The following ZNF469 variants were observed in gnomAD, a reference collection of about 807,000 sequenced individuals.
The protein encoded by ZNF469 is zinc finger protein 469.
A neutral mutation model predicts 1.0 loss-of-function variants in ZNF469; 1 was observed. The ratio of observed to expected loss-of-function variants is 1.00; its 90% confidence interval spans 0.35 to 4.73. ZNF469 has a LOEUF of 4.73. Ranked by LOEUF, ZNF469 falls within the 30% of genes most tolerant of loss-of-function variation. The pLI, the probability that ZNF469 is intolerant of heterozygous loss-of-function variation, is 0.16. For missense variants in ZNF469, 6,100 were observed against 5,356.3 expected (o/e 1.14, Z -4.33); for synonymous variants, 2,703 against 2,363.4 (o/e 1.14, Z -4.17).
the ZNF469 span, among the ~76,000 whole-genome samples, chr16:88,163,489 G>A: frequency 3.7e-5 from 4 of 107,484 alleles, no homozygotes; most frequent in African/African-American, 1.1e-4. Context: ...GACAGAGAAG[G>A]ATGGATGAAT....
the ZNF469 span, among the ~76,000 whole-genome samples, chr16:88,347,267 G>C: frequency 6.6e-6 from 1 of 152,310 alleles, no homozygotes; most frequent in Middle Eastern, 3.4e-3. Context: ...CCCAAAAGAC[G>C]TCAGGGCCCC....
chr16:88,413,079 C>T (rs1182517660), intron 1 of ZNF469, among the ~76,000 whole-genome samples: 2 of 152,092 alleles, frequency 1.3e-5, no homozygotes, highest in Non-Finnish European at 2.9e-5. Flanking sequence ...CCCATTGCTC[C>T]TTCCTTGAAC....
At position 88,429,587 on chromosome 16, in the gene ZNF469, C is replaced by A. The variant is rs1327851765; in HGVS notation, c.2117C>A (p.Pro706His). The A allele has an allele frequency of 1.3e-6, 2 of 1,549,654 alleles. No homozygotes were observed. Among genetic ancestry groups the A allele is most frequent in the African/African-American group, 2.7e-5 (2 of 73,046 alleles). ...GGTCGGGGAGGGCTGCAGGGCTTCC[C>A]CCGTGCGCCGCCTCCGTACCCCACA... is the stretch of plus-strand genomic sequence containing the variant. Reference protein sequence around the residue: ...EVGRGGLQGFPRAPPPYPTHH... With the variant: ...EVGRGGLQGFHRAPPPYPTHH... Residue 706 changes from proline (P) to histidine (H), a missense_variant, in exon 3 of 3, where the codon CCC becomes CAC. Physicochemically the swap from Pro to His is moderately conservative, Grantham distance 77. Coordinates refer to ENST00000565624, the MANE Select transcript of ZNF469 (RefSeq NM_001367624.2).
the ZNF469 span, among the ~76,000 whole-genome samples, chr16:88,237,706 C>T: frequency 1.8e-5 from 1 of 56,062 alleles, no homozygotes; most frequent in Non-Finnish European, 4.3e-5. Flanking sequence ...GTGCTCCTGC[C>T]AGTCACCCTC....
At chr16:88,342,566 C>T in the ZNF469 span, among the ~76,000 whole-genome samples, 2 of 152,192 alleles carry the variant, frequency 1.3e-5, no homozygotes, top group Non-Finnish European at 2.9e-5. Flanking sequence ...CTCCTGTGGT[C>T]CCGCAGCCCC....
the ZNF469 span, among the ~76,000 whole-genome samples, chr16:88,105,557 G>C: frequency 4.4e-4 from 67 of 152,206 alleles, no homozygotes; most frequent in Admixed American, 4.4e-3. Flanking sequence ...CACCTGCCTC[G>C]GCCTCCCAAA....
At chr16:88,325,297 C>T in the ZNF469 span, among the ~76,000 whole-genome samples, 1 of 150,456 alleles carries the variant, frequency 6.6e-6, no homozygotes, top group East Asian at 1.9e-4. Context: ...GAGGTGCACC[C>T]CGGGGGGCCG....
intron 1 of ZNF469, among the ~76,000 whole-genome samples, chr16:88,419,862 C>T (rs751462090): frequency 9.1e-4 from 138 of 152,366 alleles, no homozygotes; most frequent in South Asian, 2.9e-3. Flanking sequence ...TGGGATTGAG[C>T]CAGGCAGGAC....
rs1239981774 is a variant in ZNF469, at chr16:88,438,572, A to T, written c.11102A>T (p.Lys3701Met). 3 of 1,550,130 alleles carry T rather than the reference A, an allele frequency of 1.9e-6. No homozygotes were observed. Among genetic ancestry groups the T allele is most frequent in the Admixed American group, 3.9e-5 (2 of 51,012 alleles). The change falls in exon 3 of 3, where the codon AAG becomes ATG. Residue 3701 changes from lysine (K) to methionine (M), a missense_variant. Coordinates refer to ENST00000565624, the MANE Select transcript of ZNF469 (RefSeq NM_001367624.2). ...KALKFPVHPR[K>M]AVGSLAPGEL... is the part of the protein sequence containing the mutation. ...CTCAAGTTCCCAGTGCACCCAAGGA[A>T]GGCGGTGGGGAGCCTGGCACCCGGG...
At chr16:88,181,072 ACTT>A in the ZNF469 span, among the ~76,000 whole-genome samples, 7,679 of 136,896 alleles carry the variant, frequency 0.056, 288 homozygotes, top group East Asian at 0.11. Flanking sequence ...CAGAATACAC[ACTT>A]TTTTTTTTTT....
chr16:88,415,707 C>A (rs7195483), intron 1 of ZNF469, among the ~76,000 whole-genome samples: 63 of 152,214 alleles, frequency 4.1e-4, no homozygotes, highest in Non-Finnish European at 3.5e-4. Context: ...ACGTCCCAGC[C>A]CCACATCTCA....
rs1353481572 is a variant in ZNF469 at position 88,435,891 on chromosome 16, C to T, written c.8421C>T (p.Ser2807=). 1.3e-6 allele frequency: 2 copies of T among 1,550,168 alleles called. No homozygotes were observed. Residue 2807 remains serine (S), a synonymous_variant, in exon 3 of 3, where the codon AGC becomes AGT. Transcript: ENST00000565624. ...CCCTGGGTTTTCCCGAGACTTCCAG[C>T]TCTCCGGCGGACAGCACCACCAGCA... ...LGPLGFPETS[S]SPADSTTSSC...
chr16:88,382,300 C>A (rs139244128), upstream of ZNF469, among the ~76,000 whole-genome samples: 165 of 152,356 alleles, frequency 1.1e-3, 1 homozygote, highest in African/African-American at 3.7e-3. Context: ...GCCTTGGTTT[C>A]CTTGGCTGTG....
the ZNF469 span, among the ~76,000 whole-genome samples, chr16:88,269,471 T>C: frequency 6.6e-6 from 1 of 152,142 alleles, no homozygotes; most frequent in Non-Finnish European, 1.5e-5. Flanking sequence ...TTCTTTTTCT[T>C]TTCTTTTTCC....
upstream of ZNF469, among the ~76,000 whole-genome samples, chr16:88,379,523 G>A (rs1017319668): frequency 4.6e-5 from 7 of 152,136 alleles, no homozygotes; most frequent in African/African-American, 1.7e-4. Context: ...CCAGGGGAGG[G>A]ACGGGAATCA....
At chr16:88,135,229 C>T in the ZNF469 span, among the ~76,000 whole-genome samples, 1 of 152,274 alleles carries the variant, frequency 6.6e-6, no homozygotes, top group Non-Finnish European at 1.5e-5. Flanking sequence ...TTTCTCCCCT[C>T]CTTTATCTCA....
At chr16:88,323,673 G>A in the ZNF469 span, among the ~76,000 whole-genome samples, 42 of 152,274 alleles carry the variant, frequency 2.8e-4, no homozygotes, top group Non-Finnish European at 5.3e-4. Flanking sequence ...GAGGTATTGG[G>A]GGGGCTGCCA....
chr16:88,404,464 A>G (rs1904971387), intron 1 of ZNF469, among the ~76,000 whole-genome samples: 1 of 152,142 alleles, frequency 6.6e-6, no homozygotes, highest in Non-Finnish European at 1.5e-5. Flanking sequence ...GTCCACCCAC[A>G]TATCCCTTTG....
chr16:88,420,597 T>C (rs576766812), intron 1 of ZNF469, among the ~76,000 whole-genome samples: 4 of 152,132 alleles, frequency 2.6e-5, no homozygotes, highest in African/African-American at 7.2e-5. Flanking sequence ...CCTTTGAGAA[T>C]TGCAGGATCA....
Sources: gnomAD v4.1 joint callset for allele counts (sites outside exome capture counted in the v4.1 genomes callset) on GRCh38, gnomAD v4.1.1 for gene constraint, MANE v1.5 for transcripts, NCBI Gene and HGNC (gene_info 2026-07-23, HGNC 2026-07-21) for gene names.